The following AQP9 variants were observed in gnomAD, a reference collection of about 807,000 sequenced individuals.
AQP9 encodes the protein aquaporin-9.
AQP9 carries 19 observed loss-of-function variants against 23.8 expected under a neutral mutation model. The observed-to-expected ratio is 0.80, with a 90% CI of 0.56 to 1.17. The LOEUF is 1.17. AQP9 is among the 50% of genes most tolerant of loss of function. AQP9 has a pLI of 0.00. For missense variants in AQP9, 413 were observed against 362.0 expected, an observed-to-expected ratio of 1.14 and a Z score of -1.14; for synonymous variants, 153 against 131.5, an observed-to-expected ratio of 1.16 and a Z score of -1.12.
intron 2 of AQP9, among the ~76,000 whole-genome samples, chr15:58,167,309 A>C (rs1177567006): frequency 6.6e-6 from 1 of 152,234 alleles, no homozygotes; most frequent in Non-Finnish European, 1.5e-5. Context: ...GAAGCCATTC[A>C]CATGGTTCTC....
chr15:58,153,102 C>T (rs946386849), intron 1 of AQP9: 1 of 152,126 alleles, frequency 6.6e-6, no homozygotes, highest in African/African-American at 2.4e-5. Context: ...AATACAGCAG[C>T]CCTCCAAATG....
chr15:58,146,603 T>G (rs757110745), intron 1 of AQP9: 1 of 152,154 alleles, frequency 6.6e-6, no homozygotes, highest in Non-Finnish European at 1.5e-5. Context: ...TACTGACTCT[T>G]ATTCATAAAG....
Position 58,157,475 on chromosome 15 carries a change from G to A in AQP9, c.112-9198G>A, listed in dbSNP as rs977388087. ...TAAAGGGGGCAGGTGGGAGTTGGGG[G>A]AACTGTTCAACTCCCTGGTTAGTGC... On this transcript the variant is annotated intron_variant, in intron 1 of 5. Transcript: ENST00000219919. Among the ~76,000 whole-genome samples, 5 of 152,154 alleles carry A rather than the reference G, an allele frequency of 3.3e-5. No homozygotes were observed. The East Asian group carries it at 7.7e-4, about 23-fold the overall frequency.
intron 1 of AQP9, chr15:58,151,584 A>G (rs2140594754): frequency 6.6e-6 from 1 of 151,932 alleles, no homozygotes; most frequent in Non-Finnish European, 1.5e-5. Context: ...TCACCCCCAC[A>G]GAAAAAACTC....
intron 1 of AQP9, among the ~76,000 whole-genome samples, chr15:58,160,898 T>C (rs1898365556): frequency 6.6e-6 from 1 of 152,180 alleles, no homozygotes; most frequent in Non-Finnish European, 1.5e-5. Flanking sequence ...GCATAGCAGA[T>C]GTGCAGGGAT....
intron 1 of AQP9, chr15:58,151,509 C>T (rs1898149238): frequency 6.6e-6 from 1 of 152,092 alleles, no homozygotes; most frequent in African/African-American, 2.4e-5. Context: ...AACATCACCC[C>T]TTCTAATCTT....
intron 1 of AQP9, among the ~76,000 whole-genome samples, chr15:58,164,653 G>A (rs752118910): frequency 9.2e-5 from 14 of 152,204 alleles, no homozygotes; most frequent in East Asian, 1.9e-4. Context: ...AACATTCAGC[G>A]TAGGGTACAA....
At chr15:58,170,578 T>A (rs1190223002) in intron 2 of AQP9, among the ~76,000 whole-genome samples, 2 of 151,994 alleles carry the variant, frequency 1.3e-5, no homozygotes, top group Non-Finnish European at 2.9e-5. Flanking sequence ...CAAATTTTTG[T>A]ATTTTTAGTA....
intron 1 of AQP9, among the ~76,000 whole-genome samples, chr15:58,162,954 G>A (rs1411749991): frequency 3.3e-5 from 5 of 152,168 alleles, no homozygotes; most frequent in Non-Finnish European, 5.9e-5. Context: ...TGGGGGTGGT[G>A]AATTCTTCAG....
intron 5 of AQP9, among the ~76,000 whole-genome samples, chr15:58,182,067 G>C (rs1237743267): frequency 2.0e-5 from 3 of 152,126 alleles, no homozygotes; most frequent in African/African-American, 7.2e-5. Flanking sequence ...ATGATGGCAG[G>C]TACAGCGAGA....
At chr15:58,177,745 C>T (rs1898791310) in intron 4 of AQP9, among the ~76,000 whole-genome samples, 1 of 152,098 alleles carries the variant, frequency 6.6e-6, no homozygotes, top group African/African-American at 2.4e-5. Context: ...GTACCTGGCA[C>T]ATAATAAATG....
chr15:58,162,068 TG>T (rs1230583310), intron 1 of AQP9, among the ~76,000 whole-genome samples: 1 of 152,196 alleles, frequency 6.6e-6, no homozygotes, highest in East Asian at 1.9e-4. Flanking sequence ...TAACATTCCA[TG>T]GCTAAGTGTC....
At chr15:58,141,150 C>T (rs375833138) in intron 1 of AQP9, among the ~76,000 whole-genome samples, 24 of 152,310 alleles carry the variant, frequency 1.6e-4, no homozygotes, top group East Asian at 1.5e-3. Flanking sequence ...AGGCTGATCT[C>T]TTCCTTGGGC....
intron 1 of AQP9, 40 bp downstream of exon 1, chr15:58,138,716 G>T: frequency 6.5e-7 from 1 of 1,549,888 alleles, no homozygotes; most frequent in Non-Finnish European, 8.9e-7. Flanking sequence ...ACCCAATAAT[G>T]CCTCCCTAGC....
chr15:58,174,172 C>A (rs1200229604), intron 3 of AQP9, among the ~76,000 whole-genome samples: 2 of 152,008 alleles, frequency 1.3e-5, no homozygotes, highest in East Asian at 3.9e-4. Flanking sequence ...TCTGTAGTCC[C>A]AGCTACTCAG....
intron 1 of AQP9, among the ~76,000 whole-genome samples, chr15:58,148,546 G>A (rs1266983017): frequency 6.6e-6 from 1 of 152,184 alleles, no homozygotes; most frequent in East Asian, 1.9e-4. Flanking sequence ...GGCCCTGTGG[G>A]TAGAGGGAGA....
intron 1 of AQP9, chr15:58,146,775 A>G (rs987259158): frequency 2.0e-5 from 3 of 152,226 alleles, no homozygotes; most frequent in African/African-American, 7.2e-5. Context: ...CCAGCCAGAA[A>G]TGATTGCTGT....
intron 1 of AQP9, among the ~76,000 whole-genome samples, chr15:58,158,639 C>T (rs149122411): frequency 8.5e-5 from 13 of 152,246 alleles, no homozygotes; most frequent in East Asian, 3.9e-4. Context: ...TATTCCAAAG[C>T]GCATGACAAT....
chr15:58,167,249 C>G (rs978109711), intron 2 of AQP9, among the ~76,000 whole-genome samples: 7 of 152,224 alleles, frequency 4.6e-5, no homozygotes. Context: ...ACGTGCAGAT[C>G]TGATCTACAA....
Sources: gnomAD v4.1 joint callset for allele counts (sites outside exome capture counted in the v4.1 genomes callset) on GRCh38, gnomAD v4.1.1 for gene constraint, MANE v1.5 for transcripts, NCBI Gene and HGNC (gene_info 2026-07-23, HGNC 2026-07-21) for gene names.